Variants in DOCK1 observed in about 807,000 individuals in gnomAD.
The protein encoded by DOCK1 is dedicator of cytokinesis 1, also known as dedicator of cytokinesis protein 1.
Under a neutral mutation model 262.7 loss-of-function variants are expected in DOCK1, and 138 were observed. The observed-to-expected ratio is 0.53, with a 90% CI of 0.46 to 0.61. DOCK1 has a LOEUF of 0.61. DOCK1 is among the 20% of genes least tolerant of loss of function. DOCK1 has a pLI of 0.00. For missense variants in DOCK1, 1,908 were observed against 2,370.7 expected (o/e 0.80, Z 4.05); for synonymous variants, 866 against 867.4 (o/e 1.00, Z 0.03).
At chr10:127,165,000 A>G (rs548234141) in intron 27 of DOCK1, among the ~76,000 whole-genome samples, 1 of 152,326 alleles carries the variant, frequency 6.6e-6, no homozygotes, top group East Asian at 1.9e-4. Flanking sequence ...GCTATAATTT[A>G]TTGAAAATTA....
chr10:127,134,866 G>A lies in DOCK1; in HGVS notation c.2847+7102G>A, dbSNP rs565735086. On this transcript the variant is annotated intron_variant, in intron 27 of 51. Transcript: ENST00000623213. ...ATTGTGGCCTCTCCTCTCCTAGGCCGTCCAGGTGAGGCAAACACCAGCCCA... is the reference window on the plus strand; with the variant it reads ...ATTGTGGCCTCTCCTCTCCTAGGCCATCCAGGTGAGGCAAACACCAGCCCA... 7.2e-5 allele frequency among the ~76,000 whole-genome samples: 11 copies of A among 152,208 alleles called. No homozygotes were observed. In the South Asian group the frequency reaches 1.7e-3, roughly 23 times the overall value.
chr10:126,906,097 C>CA (rs1352001743), intron 1 of DOCK1, among the ~76,000 whole-genome samples: 1 of 152,210 alleles, frequency 6.6e-6, no homozygotes, highest in African/African-American at 2.4e-5. Context: ...GGGTGGCCAG[C>CA]GCCCCTTGCC....
chr10:126,912,726 G>A (rs1224478793), intron 1 of DOCK1, among the ~76,000 whole-genome samples: 1 of 23,172 alleles, frequency 4.3e-5, no homozygotes, highest in African/African-American at 1.1e-4. Flanking sequence ...ACTCCATCTC[G>A]GAAAAAAAAA....
At chr10:126,957,768 CTG>C (rs1200344107) in intron 1 of DOCK1, among the ~76,000 whole-genome samples, 1 of 152,194 alleles carries the variant, frequency 6.6e-6, no homozygotes, top group Non-Finnish European at 1.5e-5. Flanking sequence ...GTGTGAGCCA[CTG>C]TGCCTGACTG....
At chr10:127,416,345 A>T (rs1174525837) in intron 44 of DOCK1, among the ~76,000 whole-genome samples, 3 of 152,210 alleles carry the variant, frequency 2.0e-5, no homozygotes, top group African/African-American at 7.2e-5. Context: ...CTAGTGAGGC[A>T]TTGTACATGT....
At chr10:127,041,914 G>A (rs1019724644) in intron 19 of DOCK1, among the ~76,000 whole-genome samples, 3 of 152,080 alleles carry the variant, frequency 2.0e-5, no homozygotes, top group Admixed American at 6.6e-5. Context: ...TTCCAACACC[G>A]TGATCTTCAG....
chr10:127,224,073 T>A (rs2058544364), intron 27 of DOCK1, among the ~76,000 whole-genome samples: 1 of 152,210 alleles, frequency 6.6e-6, no homozygotes, highest in South Asian at 2.1e-4. Flanking sequence ...TTTTCTTGGG[T>A]TTTGTTTATA....
chr10:127,409,417 A>G lies in DOCK1; in HGVS notation c.4343+26A>G, dbSNP rs376102368. 71 of 1,610,278 alleles carry G rather than the reference A, an allele frequency of 4.4e-5. No individual in the cohort carries two copies. The Admixed American group carries it at 8.5e-4, about 19-fold the overall frequency. ...GTAATAATCCCATTTTTCTTACCCA[A>G]CGTGAGGGTTGTAAGAGGCTGTGTA... On this transcript the variant is annotated intron_variant, in intron 42 of 51. Coordinates refer to ENST00000623213, the MANE Select transcript of DOCK1 (RefSeq NM_001290223.2).
intron 47 of DOCK1, among the ~76,000 whole-genome samples, chr10:127,426,248 C>G (rs1047020552): frequency 6.6e-6 from 1 of 152,210 alleles, no homozygotes; most frequent in African/African-American, 2.4e-5. Flanking sequence ...TCCTTGATTA[C>G]CAAATGCCCC....
At chr10:126,967,637 C>T (rs962475110) in intron 1 of DOCK1, among the ~76,000 whole-genome samples, 5 of 152,050 alleles carry the variant, frequency 3.3e-5, no homozygotes, top group African/African-American at 9.7e-5. Flanking sequence ...GCTTCCTCAC[C>T]GCTTCCAGCT....
chr10:127,130,910 A>C (rs2050285171), intron 27 of DOCK1, among the ~76,000 whole-genome samples: 1 of 152,200 alleles, frequency 6.6e-6, no homozygotes. Flanking sequence ...AGCTGCTCCT[A>C]GATCCCTGTC....
chr10:126,916,471 T>A (rs1564980476), intron 1 of DOCK1, among the ~76,000 whole-genome samples: 1 of 152,220 alleles, frequency 6.6e-6, no homozygotes, highest in Non-Finnish European at 1.5e-5. Flanking sequence ...TAGATGAACA[T>A]CTTGCATAAG....
chr10:127,356,364 T>G (rs905933208), intron 32 of DOCK1, among the ~76,000 whole-genome samples: 1 of 152,186 alleles, frequency 6.6e-6, no homozygotes, highest in Non-Finnish European at 1.5e-5. Context: ...ATAAAGTGGT[T>G]GGACTGAATT....
At chr10:127,402,816 C>CCAGAGGCCTGCGTGG in intron 38 of DOCK1, 1 of 631,760 alleles carries the variant, frequency 1.6e-6, no homozygotes, top group Non-Finnish European at 3.0e-6. Flanking sequence ...GTTACCATGG[C>CCAGAGGCCTGCGTGG]CAGAGGCCTG....
At chr10:126,930,890 A>G (rs1205297225) in intron 1 of DOCK1, among the ~76,000 whole-genome samples, 2 of 152,090 alleles carry the variant, frequency 1.3e-5, no homozygotes, top group African/African-American at 4.8e-5. Context: ...GGTTTCTGAC[A>G]GTTTTGAGAT....
chr10:127,142,583 G>A (rs1301229992), intron 27 of DOCK1, among the ~76,000 whole-genome samples: 2 of 152,186 alleles, frequency 1.3e-5, no homozygotes, highest in South Asian at 2.1e-4. Flanking sequence ...AAACACCTGA[G>A]TCAAACACAG....
Position 127,125,512 on chromosome 10 carries a change from C to T in DOCK1, c.2662C>T (p.Leu888Phe). The T allele has an allele frequency of 6.2e-7, 1 of 1,613,844 alleles. No homozygotes were observed. Among genetic ancestry groups the T allele is most frequent in the Non-Finnish European group, 8.5e-7 (1 of 1,179,872 alleles). ...EILLPMMTDQ[L>F]KYHLERQEDL... ...CCTGCTTCCCATGATGACCGATCAG[C>T]TCAAGTACCATCTGGAGAGACAGGA... The change falls in exon 26 of 52, where the codon CTC becomes TTC. Residue 888 changes from leucine to phenylalanine, a missense_variant. Physicochemically the swap from Leu to Phe is conservative, Grantham distance 22 (BLOSUM62 0). Coordinates refer to ENST00000623213, the MANE Select transcript of DOCK1 (RefSeq NM_001290223.2).
rs771716580 is a variant in DOCK1 at position 127,016,733 on chromosome 10, C to CCA, written c.1202-1963_1202-1962dup. On this transcript the variant is annotated intron_variant, in intron 12 of 51. Transcript: ENST00000623213. ...ACATACGCACATACACACACACACACCACACACACACACACTAACACAGAT... is the reference window on the plus strand; with the variant it reads ...ACATACGCACATACACACACACACACCACACACACACACACACTAACACAGAT... Among the ~76,000 whole-genome samples, 545 of 57,034 alleles carry CCA rather than the reference C, an allele frequency of 9.6e-3. 4 individuals carry two copies. The highest frequency in any genetic ancestry group is 0.04 in the African/African-American group (505 of 12,574). 37.4% of individuals were successfully genotyped at this position (57,034 alleles called of 152,430 possible). A position where few individuals can be genotyped will look rare whatever the true frequency, so the allele number is the denominator to read the frequency against.
chr10:126,950,040 A>G (rs1331194866), intron 1 of DOCK1, among the ~76,000 whole-genome samples: 2 of 147,736 alleles, frequency 1.4e-5, no homozygotes, highest in South Asian at 2.2e-4. Flanking sequence ...GCCATCTAAC[A>G]TCCTCTCTAA....
Sources: allele counts gnomAD v4.1 joint callset (sites outside exome capture counted in the v4.1 genomes callset), GRCh38; gene constraint gnomAD v4.1.1; transcripts MANE v1.5; gene names NCBI Gene and HGNC (gene_info 2026-07-23, HGNC 2026-07-21).